Variants in ZNF578 observed in about 807,000 individuals in gnomAD.
ZNF578 encodes Putative chemokine-related protein B42.
ZNF578 carries 8 observed loss-of-function variants against 8.3 expected under a neutral mutation model. The ratio of observed to expected loss-of-function variants is 0.96; its 90% CI spans 0.56 to 1.74. The LOEUF (loss-of-function observed/expected upper bound fraction) is 1.74. Among genes scored for constraint, ZNF578 ranks in the 40% most tolerant of loss-of-function variants. ZNF578 has a pLI of 0.00. For missense variants in ZNF578, 726 were observed against 707.5 expected, an observed-to-expected ratio of 1.03 and a Z score of -0.30; for synonymous variants, 206 against 232.2, an observed-to-expected ratio of 0.89 and a Z score of 1.03.
chr19:52,477,528 G>A (rs193286739), intron 2 of ZNF578, among the ~76,000 whole-genome samples: 1 of 151,908 alleles, frequency 6.6e-6, no homozygotes, highest in Non-Finnish European at 1.5e-5. Context: ...TTTCTCTCTT[G>A]AGATCTCACT....
intron 2 of ZNF578, among the ~76,000 whole-genome samples, chr19:52,467,300 C>T (rs2059278319): frequency 6.6e-6 from 1 of 152,154 alleles, no homozygotes; most frequent in South Asian, 2.1e-4. Flanking sequence ...CAGGCATGAA[C>T]CACCACACCT....
intron 3 of ZNF578, among the ~76,000 whole-genome samples, chr19:52,500,875 G>A (rs368933488): frequency 0.15 from 15,664 of 107,720 alleles, 793 homozygotes; most frequent in African/African-American, 0.21. Context: ...TGTTTTGTGT[G>A]ACTTTTTTTT....
At chr19:52,484,480 T>C (rs921584487) in intron 2 of ZNF578, among the ~76,000 whole-genome samples, 10 of 152,294 alleles carry the variant, frequency 6.6e-5, no homozygotes, top group African/African-American at 1.7e-4. Context: ...GGAGAAACTT[T>C]GGACAATACC....
intron 5 of ZNF578, among the ~76,000 whole-genome samples, chr19:52,508,364 G>GAA (rs1555756887): frequency 1.3e-5 from 2 of 151,336 alleles, no homozygotes; most frequent in East Asian, 3.9e-4. Flanking sequence ...GAGAGAGAGA[G>GAA]AAAGAGAAAG....
intron 2 of ZNF578, among the ~76,000 whole-genome samples, chr19:52,480,827 C>T (rs11879152): frequency 0.1 from 15,061 of 150,696 alleles, 1,278 homozygotes; most frequent in East Asian, 0.33. Context: ...ACCTGGGAGG[C>T]AGAGGTTGCA....
intron 2 of ZNF578, among the ~76,000 whole-genome samples, chr19:52,480,838 A>G (rs1599893319): frequency 6.6e-6 from 1 of 151,148 alleles, no homozygotes. Flanking sequence ...AGAGGTTGCA[A>G]TGAGCCGTGA....
At chr19:52,505,241 T>C (rs867590268) in intron 5 of ZNF578, among the ~76,000 whole-genome samples, 11 of 151,908 alleles carry the variant, frequency 7.2e-5, no homozygotes, top group Non-Finnish European at 1.3e-4. Flanking sequence ...ACTGTGACAA[T>C]GTTCATCCCA....
At chr19:52,502,028 G>A (rs1050948243) in intron 4 of ZNF578, 120 bp downstream of exon 4, 4 of 1,469,056 alleles carry the variant, frequency 2.7e-6, no homozygotes, top group Non-Finnish European at 3.6e-6. Flanking sequence ...GAAGCATTTT[G>A]CCTGACACGT....
Position 52,510,788 on chromosome 19 carries a change from T to TG in ZNF578, c.410dup (p.Ser138Ter). Reference sequence around the variant, plus strand: ...TCCATGCCAAAAATCAAAGAGTTGATGGGTAGCACAGACCGACATGATCAA... The same window carrying TG: ...TCCATGCCAAAAATCAAAGAGTTGATGGGGTAGCACAGACCGACATGATCAA... On this transcript the variant is annotated frameshift_variant, in exon 6 of 6. Transcript: ENST00000421239. LOFTEE classifies it low-confidence loss of function (END_TRUNC). The TG allele has an allele frequency of 6.2e-7, 1 of 1,613,294 alleles. No individual in the cohort carries two copies. Among genetic ancestry groups the TG allele is most frequent in the African/African-American group, 1.3e-5 (1 of 75,008 alleles).
At position 52,513,679 on chromosome 19, in the gene ZNF578, G is replaced by T. The variant is rs895680127; in HGVS notation, c.*1525G>T. Among the ~76,000 whole-genome samples the T allele has an allele frequency of 1.4e-5, 2 of 147,996 alleles. No homozygotes were observed. The highest frequency in any genetic ancestry group is 3.0e-5 in the Non-Finnish European group (2 of 67,598). ...CAGGAGGCGGTGCTTGCAGGGAGCC[G>T]AGATCGTGCCACTGCACTCCAGGCT... On this transcript the variant is annotated 3_prime_UTR_variant, in exon 6 of 6. Transcript: ENST00000421239.
intron 2 of ZNF578, among the ~76,000 whole-genome samples, chr19:52,460,193 ATGGTAGTAC>A (rs1260712623): frequency 1.3e-5 from 2 of 152,014 alleles, no homozygotes; most frequent in Non-Finnish European, 2.9e-5. Flanking sequence ...GCTGGATTAT[ATGGTAGTAC>A]TGTTTTTAAT....
chr19:52,480,791 G>A (rs1216165319), intron 2 of ZNF578, among the ~76,000 whole-genome samples: 1 of 151,624 alleles, frequency 6.6e-6, no homozygotes, highest in Admixed American at 6.6e-5. Flanking sequence ...CAGCTACTCG[G>A]GTGGCTGAGG....
intron 2 of ZNF578, among the ~76,000 whole-genome samples, chr19:52,489,583 C>T (rs1352798174): frequency 2.0e-5 from 3 of 152,002 alleles, no homozygotes; most frequent in African/African-American, 4.8e-5. Context: ...AGGGATACTC[C>T]GTCTCAAAAA....
chr19:52,459,014 A>G (rs1269558400), intron 2 of ZNF578, among the ~76,000 whole-genome samples: 3 of 152,052 alleles, frequency 2.0e-5, no homozygotes, highest in Non-Finnish European at 2.9e-5. Flanking sequence ...AAAAACTCAT[A>G]TATTTCTTTT....
At position 52,513,889 on chromosome 19, in the gene ZNF578, G is replaced by A. The variant is rs1367269151; in HGVS notation, c.*1735G>A. Among the ~76,000 whole-genome samples, 2 of 152,018 alleles carry A rather than the reference G, an allele frequency of 1.3e-5. No individual in the cohort carries two copies. Among genetic ancestry groups the A allele is most frequent in the Non-Finnish European group, 2.9e-5 (2 of 68,008 alleles). On this transcript the variant is annotated 3_prime_UTR_variant, in exon 6 of 6. Transcript: ENST00000421239. ...AAAATACAAAAGTTAGCCAGGGGTG[G>A]GGGTGTGCACCTTTAGTTCCAGCTA...
intron 2 of ZNF578, chr19:52,474,588 T>A (rs1461254428): frequency 2.2e-5 from 7 of 317,544 alleles, no homozygotes; most frequent in African/African-American, 1.5e-4. Flanking sequence ...TTCTCTGATG[T>A]CATGCAAGGT....
At chr19:52,506,220 G>T (rs2059425121) in intron 5 of ZNF578, among the ~76,000 whole-genome samples, 1 of 152,040 alleles carries the variant, frequency 6.6e-6, no homozygotes, top group Admixed American at 6.6e-5. Context: ...TGTTTTTAAG[G>T]CTGAATAATA....
intron 2 of ZNF578, among the ~76,000 whole-genome samples, chr19:52,475,549 G>A (rs1456104545): frequency 4.6e-5 from 7 of 151,944 alleles, no homozygotes; most frequent in Admixed American, 4.6e-4. Flanking sequence ...AGTAGAGACG[G>A]GGTTTCACCA....
At chr19:52,501,122 C>T (rs1360189794) in intron 3 of ZNF578, among the ~76,000 whole-genome samples, 5 of 152,148 alleles carry the variant, frequency 3.3e-5, no homozygotes, top group Non-Finnish European at 7.4e-5. Context: ...TGTGATCCAG[C>T]CGCCTCGGCC....
Sources: gnomAD v4.1 joint callset for allele counts (sites outside exome capture counted in the v4.1 genomes callset) on GRCh38, gnomAD v4.1.1 for gene constraint, MANE v1.5 for transcripts, NCBI Gene and HGNC (gene_info 2026-07-23, HGNC 2026-07-21) for gene names.